KIF26B: variants seen among roughly 807,000 people sequenced by gnomAD.
The protein encoded by KIF26B is kinesin-like protein KIF26B.
KIF26B carries 63 observed loss-of-function variants against 151.2 expected under a neutral mutation model. The observed-to-expected ratio is 0.42, with a 90% CI of 0.34 to 0.51. KIF26B has a LOEUF of 0.51. KIF26B is among the 20% of genes least tolerant of loss of function. The pLI is 0.07. For synonymous variants in KIF26B, 1,357 were observed against 1,262.1 expected (o/e 1.08, Z -1.59); for missense variants, 2,813 against 2,913.6 (o/e 0.97, Z 0.79).
At chr1:245,432,633 C>T (rs754097611) in intron 4 of KIF26B, among the ~76,000 whole-genome samples, 2 of 152,072 alleles carry the variant, frequency 1.3e-5, no homozygotes, top group Admixed American at 6.6e-5. Flanking sequence ...TAGCTGTCTT[C>T]GTGAAGTATG....
At chr1:245,543,108 T>A (rs1356905025) in intron 5 of KIF26B, among the ~76,000 whole-genome samples, 7 of 152,168 alleles carry the variant, frequency 4.6e-5, no homozygotes. Context: ...CTACAAGGGT[T>A]GATGTGGATG....
intron 2 of KIF26B, among the ~76,000 whole-genome samples, chr1:245,209,518 A>G (rs1354507554): frequency 6.6e-6 from 1 of 152,176 alleles, no homozygotes; most frequent in Admixed American, 6.5e-5. Flanking sequence ...AAAAACAAAA[A>G]CATAAAGGGA....
intron 2 of KIF26B, among the ~76,000 whole-genome samples, chr1:245,184,047 G>GTTGTTTTTTGTTTTTTTTTTTTGTT (rs1167546392): frequency 1.1e-4 from 1 of 9,252 alleles, no homozygotes; most frequent in Non-Finnish European, 2.2e-4. Flanking sequence ...GGTGGGAGTT[G>GTTGTTTTTTGTTTTTTTTTTTTGTT]TTGTTTTTTT....
At chr1:245,678,769 A>G (rs902427208) in intron 10 of KIF26B, among the ~76,000 whole-genome samples, 5 of 152,066 alleles carry the variant, frequency 3.3e-5, no homozygotes, top group African/African-American at 1.2e-4. Flanking sequence ...AGGCTGAGGC[A>G]GGGGAATCGC....
intron 5 of KIF26B, among the ~76,000 whole-genome samples, chr1:245,585,666 G>C (rs565524877): frequency 1.3e-5 from 2 of 152,154 alleles, no homozygotes; most frequent in South Asian, 4.1e-4. Context: ...TTCTCTTCTC[G>C]AGAGTTCCGA....
At chr1:245,307,742 CTTTT>C (rs35577186) in intron 2 of KIF26B, among the ~76,000 whole-genome samples, 1 of 132,866 alleles carries the variant, frequency 7.5e-6, no homozygotes, top group African/African-American at 2.9e-5. Context: ...CTCTCTCTCT[CTTTT>C]TTTTTTTTTT....
At chr1:245,699,164 A>C in intron 14 of KIF26B, 127 bp downstream of exon 14, 1 of 965,250 alleles carries the variant, frequency 1.0e-6, no homozygotes, top group Non-Finnish European at 1.5e-6. Flanking sequence ...TGCCCATCAA[A>C]TGGAGGAAGT....
chr1:245,684,130 C>A, intron 10 of KIF26B, 103 bp from the exon 11 acceptor site: 1 of 1,253,848 alleles, frequency 8.0e-7, no homozygotes, highest in Non-Finnish European at 1.1e-6. Context: ...GGTGGGGGGA[C>A]CACCACCCAC....
At chr1:245,461,849 C>T (rs1659655398) in intron 4 of KIF26B, among the ~76,000 whole-genome samples, 1 of 152,338 alleles carries the variant, frequency 6.6e-6, no homozygotes, top group East Asian at 1.9e-4. Context: ...CATGGTGACT[C>T]ATGCCAGTAA....
intron 4 of KIF26B, among the ~76,000 whole-genome samples, chr1:245,468,552 G>A (rs1659842986): frequency 6.6e-6 from 1 of 152,192 alleles, no homozygotes. Flanking sequence ...TGATTTTTAT[G>A]AGAACCTGAA....
At chr1:245,436,593 C>T (rs1658938289) in intron 4 of KIF26B, among the ~76,000 whole-genome samples, 1 of 152,186 alleles carries the variant, frequency 6.6e-6, no homozygotes, top group Admixed American at 6.6e-5. Flanking sequence ...AGGCCTTCAA[C>T]TGATTGGATG....
chr1:245,469,300 A>G (rs1379095837), intron 4 of KIF26B, among the ~76,000 whole-genome samples: 1 of 152,252 alleles, frequency 6.6e-6, no homozygotes, highest in Non-Finnish European at 1.5e-5. Flanking sequence ...TCAGGGGAGA[A>G]TGTCAGGCAG....
chr1:245,345,571 C>A (rs1327240130), intron 2 of KIF26B, among the ~76,000 whole-genome samples: 1 of 150,998 alleles, frequency 6.6e-6, no homozygotes, highest in Non-Finnish European at 1.5e-5. Flanking sequence ...ATCTCATGTT[C>A]AGTTGTGATC....
intron 2 of KIF26B, among the ~76,000 whole-genome samples, chr1:245,174,574 A>G (rs1048279933): frequency 6.6e-6 from 1 of 152,178 alleles, no homozygotes; most frequent in African/African-American, 2.4e-5. Context: ...TGGTGCAATC[A>G]TAGCTCGCTG....
intron 1 of KIF26B, 104 bp from the exon 2 acceptor site, chr1:245,156,178 G>A (rs1668427975): frequency 4.8e-6 from 7 of 1,461,992 alleles, no homozygotes; most frequent in Middle Eastern, 2.5e-4. Context: ...ACCGACTCCC[G>A]TGGGCGGTTC....
intron 9 of KIF26B, among the ~76,000 whole-genome samples, chr1:245,633,671 T>A (rs2043804910): frequency 6.6e-6 from 1 of 152,220 alleles, no homozygotes; most frequent in South Asian, 2.1e-4. Flanking sequence ...TGGGAAAGAC[T>A]TTACTTTTCA....
chr1:245,255,530 C>T (rs1436970399), intron 2 of KIF26B, among the ~76,000 whole-genome samples: 3 of 152,194 alleles, frequency 2.0e-5, no homozygotes, highest in African/African-American at 7.2e-5. Flanking sequence ...GCACTTTGTA[C>T]ATCATGTGAT....
chr1:245,234,680 G>A lies in KIF26B; in HGVS notation c.465+77997G>A, dbSNP rs80304373. On this transcript the variant is annotated intron_variant, in intron 2 of 14. Coordinates refer to ENST00000407071, the MANE Select transcript of KIF26B (RefSeq NM_018012.4). ...TCTGCAGGTGGAAGTTCTTCCCGGC[G>A]GCTTGCAAAGAAGAAAAGCGAGGAG... Among the ~76,000 whole-genome samples the A allele has an allele frequency of 1.4e-3, 216 of 152,262 alleles. 3 individuals carry two copies. The highest frequency in any genetic ancestry group is 4.8e-3 in the African/African-American group (198 of 41,534).
rs1046445315 is a variant in KIF26B, at chr1:245,688,076, G to C, written c.5093G>C (p.Gly1698Ala). 2 of 1,552,470 alleles carry C rather than the reference G, an allele frequency of 1.3e-6. No homozygotes were observed. Among genetic ancestry groups the C allele is most frequent in the Non-Finnish European group, 1.7e-6 (2 of 1,149,354 alleles). Residue 1698 changes from glycine to alanine, a missense_variant, in exon 12 of 15, where the codon GGC becomes GCC. Gly to Ala is a moderately conservative substitution (Grantham distance 60, BLOSUM62 0). Around this residue, in one of 3 missense-constraint regions of KIF26B, gnomAD observed 2,060 missense variants for 2,088.6 expected, o/e 0.99. Transcript: ENST00000407071. ...LSSVSSRLHA[G>A]KDGTMPRAGR... ...TCCGTGAGCTCCCGGCTGCACGCGG[G>C]CAAGGACGGCACCATGCCCCGCGCG... is the stretch of plus-strand genomic sequence containing the variant.
Sources: allele counts gnomAD v4.1 joint callset (sites outside exome capture counted in the v4.1 genomes callset), GRCh38; gene constraint gnomAD v4.1.1; regional missense constraint gnomAD v4.1.1; transcripts MANE v1.5; gene names NCBI Gene and HGNC (gene_info 2026-07-23, HGNC 2026-07-21).